The following DAB1 variants were observed in gnomAD, a reference collection of about 807,000 sequenced individuals.
DAB1 encodes disabled homolog 1.
DAB1 carries 15 observed loss-of-function variants against 64.6 expected under a neutral mutation model. The ratio of observed to expected loss-of-function variants is 0.23; its 90% confidence interval spans 0.16 to 0.36. The LOEUF is 0.36. Among genes scored for constraint, DAB1 ranks in the 10% least tolerant of loss-of-function variants. The pLI, the probability that DAB1 is intolerant of heterozygous loss-of-function variation, is 1.00. For missense variants in DAB1, 596 were observed against 706.7 expected, an observed-to-expected ratio of 0.84 and a Z score of 1.78; for synonymous variants, 235 against 251.9, an observed-to-expected ratio of 0.93 and a Z score of 0.64.
At chr1:57,248,601 C>A (rs1669079382) in intron 2 of DAB1, among the ~76,000 whole-genome samples, 1 of 152,144 alleles carries the variant, frequency 6.6e-6, no homozygotes, top group Non-Finnish European at 1.5e-5. Flanking sequence ...AAATTGACTA[C>A]AAAAACAGTG....
intron 7 of DAB1, among the ~76,000 whole-genome samples, chr1:57,527,545 C>G (rs753375232): frequency 6.6e-6 from 1 of 152,130 alleles, no homozygotes; most frequent in African/African-American, 2.4e-5. Flanking sequence ...TAGGTTAATA[C>G]TCTTTCTACT....
intron 6 of DAB1, among the ~76,000 whole-genome samples, chr1:57,737,485 G>T (rs1236720604): frequency 1.3e-5 from 2 of 152,134 alleles, no homozygotes; most frequent in African/African-American, 4.8e-5. Context: ...GGTGGTAAAG[G>T]TATCTACCCA....
At chr1:57,163,982 C>T (rs967665237) in intron 2 of DAB1, among the ~76,000 whole-genome samples, 2 of 152,114 alleles carry the variant, frequency 1.3e-5, no homozygotes, top group African/African-American at 4.8e-5. Context: ...GCCTGCTCTG[C>T]CAGTTTGGGT....
intron 5 of DAB1, among the ~76,000 whole-genome samples, chr1:57,975,935 C>T (rs1285466732): frequency 6.6e-6 from 1 of 152,194 alleles, no homozygotes; most frequent in East Asian, 1.9e-4. Flanking sequence ...CTACTAAGGG[C>T]AGCCAGCAAT....
intron 7 of DAB1, among the ~76,000 whole-genome samples, chr1:57,449,914 T>C (rs1043794600): frequency 6.6e-5 from 10 of 152,220 alleles, no homozygotes; most frequent in Non-Finnish European, 2.9e-5. Flanking sequence ...GCATTAACTA[T>C]ATAGCAGGCT....
intron 7 of DAB1, among the ~76,000 whole-genome samples, chr1:57,446,218 C>G (rs1188160081): frequency 6.6e-6 from 1 of 152,174 alleles, no homozygotes; most frequent in Non-Finnish European, 1.5e-5. Flanking sequence ...TGTAGATACA[C>G]CATTAATCCA....
chr1:58,319,923 T>C (rs1010390141), intron 4 of DAB1, among the ~76,000 whole-genome samples: 7 of 152,220 alleles, frequency 4.6e-5, no homozygotes, highest in Non-Finnish European at 8.8e-5. Context: ...CAGGATTTGC[T>C]TGGAAACTAG....
chr1:58,363,619 G>C (rs1217580498), intron 3 of DAB1, among the ~76,000 whole-genome samples: 3 of 152,200 alleles, frequency 2.0e-5, no homozygotes, highest in Admixed American at 2.0e-4. Flanking sequence ...CCAATTATTT[G>C]TCCGCTCCAC....
At chr1:58,043,943 GTC>G (rs1257442508) in intron 5 of DAB1, among the ~76,000 whole-genome samples, 1 of 152,172 alleles carries the variant, frequency 6.6e-6, no homozygotes, top group Admixed American at 6.5e-5. Context: ...GGCCAGGCTG[GTC>G]TTGAACTCTT....
intron 3 of DAB1, 149 bp from the exon 4 acceptor site, chr1:57,136,790 G>T: frequency 2.3e-6 from 1 of 432,378 alleles, no homozygotes. Flanking sequence ...TACTCAATGC[G>T]GCTCACATCT....
intron 4 of DAB1, among the ~76,000 whole-genome samples, chr1:58,268,968 T>A (rs567109982): frequency 2.6e-4 from 40 of 151,842 alleles, no homozygotes; most frequent in African/African-American, 9.4e-4. Context: ...CACATATACA[T>A]TCAAATGATT....
intron 5 of DAB1, among the ~76,000 whole-genome samples, chr1:57,984,187 AG>A (rs756190513): frequency 0.49 from 44,508 of 91,124 alleles, 13,840 homozygotes; most frequent in Non-Finnish European, 0.57. Context: ...CTTAAAAAAA[AG>A]AAAGAAAGAA....
chr1:57,628,087 G>A (rs1437987731), intron 7 of DAB1, among the ~76,000 whole-genome samples: 1 of 152,144 alleles, frequency 6.6e-6, no homozygotes, highest in Non-Finnish European at 1.5e-5. Flanking sequence ...ACCCAATTTG[G>A]GTTGAGATAA....
intron 4 of DAB1, among the ~76,000 whole-genome samples, chr1:57,083,564 C>A (rs1652765405): frequency 6.6e-6 from 1 of 152,182 alleles, no homozygotes. Flanking sequence ...TAGAAAATGA[C>A]TTTTTGTGTT....
At chr1:58,532,741 GT>G (rs534430662) in intron 1 of DAB1, among the ~76,000 whole-genome samples, 196 of 152,208 alleles carry the variant, frequency 1.3e-3, no homozygotes, top group African/African-American at 4.6e-3. Flanking sequence ...GCCGAGGCCA[GT>G]CTCAAACTCC....
At chr1:58,238,538 C>T (rs373595966) in intron 4 of DAB1, among the ~76,000 whole-genome samples, 13 of 152,014 alleles carry the variant, frequency 8.6e-5, no homozygotes, top group African/African-American at 3.1e-4. Flanking sequence ...AAATTGGTTA[C>T]GAGCCAAGGA....
intron 7 of DAB1, among the ~76,000 whole-genome samples, chr1:57,522,825 T>A (rs960783289): frequency 6.6e-6 from 1 of 152,198 alleles, no homozygotes; most frequent in African/African-American, 2.4e-5. Context: ...GGCAGAAGAA[T>A]GTGAAAGGAC....
intron 7 of DAB1, among the ~76,000 whole-genome samples, chr1:57,472,600 C>T (rs566240910): frequency 2.0e-5 from 3 of 151,976 alleles, no homozygotes; most frequent in South Asian, 2.1e-4. Context: ...ATTACTGGTG[C>T]ATGCAGCCCC....
At chr1:57,957,927 G>A (rs571846058) in intron 5 of DAB1, among the ~76,000 whole-genome samples, 1 of 151,924 alleles carries the variant, frequency 6.6e-6, no homozygotes, top group Non-Finnish European at 1.5e-5. Context: ...TGAATACAAA[G>A]TATGAAACTC....
Sources: allele counts gnomAD v4.1 joint callset (sites outside exome capture counted in the v4.1 genomes callset), GRCh38; gene constraint gnomAD v4.1.1; transcripts MANE v1.5; gene names NCBI Gene and HGNC (gene_info 2026-07-23, HGNC 2026-07-21).